COL5A1: variants seen among roughly 807,000 people sequenced by gnomAD.
COL5A1 encodes the protein collagen alpha-1(V) chain.
In COL5A1, 16 loss-of-function variants were observed where a neutral mutation model predicts 263.7. The ratio of observed to expected loss-of-function variants is 0.06; its 90% CI spans 0.04 to 0.09. The LOEUF (loss-of-function observed/expected upper bound fraction) is 0.09. Among genes scored for constraint, COL5A1 ranks in the 10% least tolerant of loss-of-function variants. COL5A1 has a pLI of 1.00. For missense variants in COL5A1, 2,036 were observed against 2,540.5 expected (o/e 0.80, Z 4.27); for synonymous variants, 1,012 against 1,004.5 (o/e 1.01, Z -0.14).
Position 134,688,141 on chromosome 9 carries a change from A to T in COL5A1, c.110-2771A>T, listed in dbSNP as rs371411352. Among the ~76,000 whole-genome samples, 479 of 152,318 alleles carry T rather than the reference A, an allele frequency of 3.1e-3. 2 individuals are homozygous for T. Among genetic ancestry groups the T allele is most frequent in the African/African-American group, 0.011 (453 of 41,574 alleles). ...CAGGAGGGGTGGCACTAGGCCTGGG[A>T]AAGGTCTGGTGGCCTCTTAAACTTG... On this transcript the variant is annotated intron_variant, in intron 1 of 65. Transcript: ENST00000371817.
chr9:134,654,249 G>A (rs1434248907), intron 1 of COL5A1, among the ~76,000 whole-genome samples: 3 of 138,704 alleles, frequency 2.2e-5, no homozygotes, highest in Non-Finnish European at 3.1e-5. Context: ...AGGGCTGGGG[G>A]TGTTTTGGGC....
chr9:134,662,697 C>T (rs1342607895), intron 1 of COL5A1, among the ~76,000 whole-genome samples: 4 of 152,242 alleles, frequency 2.6e-5, no homozygotes, highest in African/African-American at 7.2e-5. Flanking sequence ...ATCTCTCTCC[C>T]GGCCTCAGCT....
In COL5A1 at chr9:134,752,784, G is replaced by T; in HGVS notation, c.1719+139G>T. On this transcript the variant is annotated intron_variant, in intron 14 of 65. Transcript: ENST00000371817. ...TTGGTCCAGTGCCTGTTCCCAGGAG[G>T]GTGGCCAGGGGGACCAGGGGCCTCT... is the stretch of plus-strand genomic sequence containing the variant. 5.9e-6 allele frequency: 4 copies of T among 675,820 alleles called. No individual in the cohort carries two copies. The South Asian group carries it at 6.9e-5, about 12-fold the overall frequency. 41.9% of individuals were successfully genotyped at this position (675,820 alleles called of 1,614,324 possible).
At chr9:134,810,534 C>T (rs911607190) in intron 44 of COL5A1, 42 of 558,532 alleles carry the variant, frequency 7.5e-5, no homozygotes, top group African/African-American at 3.2e-4. Flanking sequence ...AAGCATCCAC[C>T]GGTTTTGCGA....
chr9:134,824,809 C>T lies in COL5A1; in HGVS notation c.4908C>T (p.Ala1636=). ...CCCTGGGCACGCAGCAGAACCCCGC[C>T]CGCACCTGCAAGGACCTGCAGCTCT... The part of the protein sequence containing the change: ...KRPLGTQQNP[A]RTCKDLQLCH... The change falls in exon 62 of 66, where the codon GCC becomes GCT. Residue 1636 remains alanine (A), a synonymous_variant. Transcript: ENST00000371817. The T allele has an allele frequency of 5.6e-6, 9 of 1,614,012 alleles. No individual in the cohort carries two copies. Among genetic ancestry groups the T allele is most frequent in the Non-Finnish European group, 7.6e-6 (9 of 1,180,034 alleles).
At chr9:134,778,102 G>A (rs1564452733) in intron 27 of COL5A1, among the ~76,000 whole-genome samples, 4 of 152,226 alleles carry the variant, frequency 2.6e-5, no homozygotes, top group South Asian at 2.1e-4. Context: ...GCGATGCCAC[G>A]CCGTGGTGAG....
chr9:134,727,245 T>C (rs1308730596), intron 4 of COL5A1, 21 bp from the exon 5 acceptor site: 1 of 1,612,790 alleles, frequency 6.2e-7, no homozygotes, highest in Non-Finnish European at 8.5e-7. Context: ...TGCTTTTTCA[T>C]GAGCGTCTCT....
At chr9:134,645,209 T>A (rs1831437149) in intron 1 of COL5A1, among the ~76,000 whole-genome samples, 1 of 152,232 alleles carries the variant, frequency 6.6e-6, no homozygotes, top group South Asian at 2.1e-4. Context: ...CCTGCGGGGC[T>A]GGCCAGAGCC....
chr9:134,654,498 GGT>G (rs1831849322), intron 1 of COL5A1, among the ~76,000 whole-genome samples: 1 of 126,392 alleles, frequency 7.9e-6, no homozygotes, highest in East Asian at 2.6e-4. Flanking sequence ...GTGTAGAGCT[GGT>G]GTGTGTAGGG....
chr9:134,681,566 A>G lies in COL5A1; in HGVS notation c.110-9346A>G, dbSNP rs1222268019. On this transcript the variant is annotated intron_variant, in intron 1 of 65. Coordinates refer to ENST00000371817, the MANE Select transcript of COL5A1 (RefSeq NM_000093.5). The surrounding 1 kb of genome is among the most constrained non-coding windows in gnomAD (Gnocchi z 4.3). Reference sequence around the variant, plus strand: ...GTGCCTGTGGTTTCGGGAGCCTGTCACTGGCTCCAGAGTGGAATAGCGCTT... The same window carrying G: ...GTGCCTGTGGTTTCGGGAGCCTGTCGCTGGCTCCAGAGTGGAATAGCGCTT... Among the ~76,000 whole-genome samples, 2 of 152,132 alleles carry G rather than the reference A, an allele frequency of 1.3e-5. No homozygotes were observed. The highest frequency in any genetic ancestry group is 2.9e-5 in the Non-Finnish European group (2 of 68,028).
At chr9:134,810,465 G>A (rs1838482075) in intron 44 of COL5A1, 157 bp downstream of exon 44, 10 of 683,646 alleles carry the variant, frequency 1.5e-5, no homozygotes, top group Non-Finnish European at 2.6e-5. Context: ...CCCACAACGT[G>A]TGTGTGTGCA....
chr9:134,652,169 AATT>A lies in COL5A1; in HGVS notation c.109+9880_109+9882del, dbSNP rs1206791089. ...CTGCGATTGTAAGAGCTTTCTAGGT[AATT>A]ATTATTCATGCTATTTAGGGTCATA... On this transcript the variant is annotated intron_variant, in intron 1 of 65. Coordinates refer to ENST00000371817, the MANE Select transcript of COL5A1 (RefSeq NM_000093.5). The surrounding 1 kb of genome is among the most constrained non-coding windows in gnomAD (Gnocchi z 4.4). Among the ~76,000 whole-genome samples, 5 of 152,130 alleles carry A rather than the reference AATT, an allele frequency of 3.3e-5. No individual in the cohort carries two copies. Among genetic ancestry groups the A allele is most frequent in the Admixed American group, 6.5e-5 (1 of 15,280 alleles).
intron 19 of COL5A1, among the ~76,000 whole-genome samples, chr9:134,763,337 G>A (rs1234034372): frequency 6.6e-6 from 1 of 152,212 alleles, no homozygotes; most frequent in African/African-American, 2.4e-5. Context: ...GTGGCCCAGG[G>A]GATCTTGTGA....
rs1404857732 is a variant in COL5A1 at position 134,752,635 on chromosome 9, C to G, written c.1709C>G (p.Pro570Arg). ...PAGPMGLTGRPGPVGPPGSGG... is the reference protein window; with the variant it reads ...PAGPMGLTGRRGPVGPPGSGG... ...GGCCCGATGGGTCTCACAGGGAGAC[C>G]TGGCCCTGTGGTAAGTCATTGGCAA... The change falls in exon 14 of 66, where the codon CCT becomes CGT. Residue 570 changes from proline (P) to arginine (R), a missense_variant. Pro to Arg is a moderately radical substitution (Grantham distance 103, BLOSUM62 -2). Transcript: ENST00000371817. 1 of 1,612,734 alleles carries G rather than the reference C, an allele frequency of 6.2e-7. No individual in the cohort carries two copies. Among genetic ancestry groups the G allele is most frequent in the South Asian group, 1.1e-5 (1 of 91,062 alleles).
At position 134,789,316 on chromosome 9, in the gene COL5A1, A is replaced by T; in HGVS notation, c.2700+108A>T. 2.2e-6 allele frequency: 2 copies of T among 904,566 alleles called. No homozygotes were observed. Among genetic ancestry groups the T allele is most frequent in the Non-Finnish European group, 3.6e-6 (2 of 563,340 alleles). 56.0% of individuals were successfully genotyped at this position (904,566 alleles called of 1,614,324 possible). On this transcript the variant is annotated intron_variant, in intron 32 of 65. Coordinates refer to ENST00000371817, the MANE Select transcript of COL5A1 (RefSeq NM_000093.5). The surrounding 1 kb of genome is among the most constrained non-coding windows in gnomAD (Gnocchi z 4.8). ...TTTATTTCTCACTCTCTTGCTTCTG[A>T]AACTGCTCTCCTGAATGGCTGGCCT...
chr9:134,801,846 A>T, intron 37 of COL5A1, 108 bp from the exon 38 acceptor site: 1 of 916,912 alleles, frequency 1.1e-6, no homozygotes, highest in Non-Finnish European at 1.8e-6. Flanking sequence ...TGGAACATCT[A>T]CTCTGGGGGG....
At chr9:134,699,762 A>C (rs1204433077) in intron 2 of COL5A1, 147 bp from the exon 3 acceptor site, 2 of 785,364 alleles carry the variant, frequency 2.5e-6, no homozygotes, top group African/African-American at 3.4e-5. Context: ...AGTTTGATCA[A>C]GGGGCAGATG....
intron 9 of COL5A1, among the ~76,000 whole-genome samples, chr9:134,736,789 C>T (rs1835115991): frequency 6.6e-6 from 1 of 152,232 alleles, no homozygotes; most frequent in African/African-American, 2.4e-5. Flanking sequence ...AAGCCTCATG[C>T]TTCCAAACTA....
intron 4 of COL5A1, among the ~76,000 whole-genome samples, chr9:134,724,170 C>A (rs1437057816): frequency 6.6e-6 from 1 of 152,204 alleles, no homozygotes; most frequent in African/African-American, 2.4e-5. Context: ...TTCCTCCAAA[C>A]CTACTGCCTG....
Sources: gnomAD v4.1 joint callset for allele counts (sites outside exome capture counted in the v4.1 genomes callset) on GRCh38, gnomAD v4.1.1 for gene constraint, Gnocchi (gnomAD v3.1) non-coding constraint, MANE v1.5 for transcripts, NCBI Gene and HGNC (gene_info 2026-07-23, HGNC 2026-07-21) for gene names.